Variants in LY6G5C observed in about 807,000 individuals in gnomAD.
LY6G5C encodes the protein lymphocyte antigen 6 family member G5C, also known as lymphocyte antigen 6 complex locus protein G5c.
In LY6G5C, 6 loss-of-function variants were observed where a neutral mutation model predicts 10.5. The ratio of observed to expected loss-of-function variants is 0.57; its 90% CI spans 0.31 to 1.12. The LOEUF (loss-of-function observed/expected upper bound fraction) is 1.12, where lower values mean the gene tolerates loss of function less well. LY6G5C is among the 50% of genes most tolerant of loss of function. The pLI is 0.05. For missense variants in LY6G5C, 160 were observed against 185.5 expected, an observed-to-expected ratio of 0.86 and a Z score of 0.80; for synonymous variants, 69 against 67.8, an observed-to-expected ratio of 1.02 and a Z score of -0.09.
At position 31,677,005 on chromosome 6, in the gene LY6G5C, GA is replaced by G. The variant is rs759322486; in HGVS notation, c.404del (p.Phe135SerfsTer?). 4 of 1,612,908 alleles carry G rather than the reference GA, an allele frequency of 2.5e-6. No homozygotes were observed. The highest frequency in any genetic ancestry group is 3.4e-6 in the Non-Finnish European group (4 of 1,180,030). On this transcript the variant is annotated frameshift_variant, in exon 3 of 3. Coordinates refer to ENST00000383237, the Ensembl canonical transcript of LY6G5C. LOFTEE classifies it low-confidence loss of function (END_TRUNC). ...TTTGAGGGTCATTGCAGAAATCCAG[GA>G]AGCAGTATTGAGAGAATATCCAGAA... is the stretch of plus-strand genomic sequence containing the variant.
rs1368462732 is a variant in LY6G5C, at chr6:31,679,530, A to T, written c.122-262T>A. 2 of 532,234 alleles carry T rather than the reference A, an allele frequency of 3.8e-6. No homozygotes were observed. The highest frequency in any genetic ancestry group is 6.8e-6 in the Non-Finnish European group (2 of 295,960). The allele number at this position is 532,234 out of a possible 1,614,324, so 33.0% of individuals were successfully genotyped here. A position where few individuals can be genotyped will look rare whatever the true frequency, so the allele number is the denominator to read the frequency against. On this transcript the variant is annotated intron_variant, in intron 1 of 2. Coordinates refer to ENST00000383237, the Ensembl canonical transcript of LY6G5C. This position sits in a 1 kb window ranked among gnomAD's most constrained non-coding sequence, Gnocchi z 4.4. ...TTAGGCAGAGGAAAGTGCTAAACCA[A>T]CACTTTGAATCCTGTGTCTCTGTGG...
chr6:31,676,949 C>T (rs1257355407), exon 3 of LY6G5C: 1 of 1,606,092 alleles, frequency 6.2e-7, no homozygotes, highest in Admixed American at 1.7e-5. Context: ...AAGTTTGCTG[C>T]AGTCACACTA....
Position 31,680,049 on chromosome 6 carries a change from A to AAATAAT in LY6G5C, c.121+198_121+203dup. On this transcript the variant is annotated intron_variant, in intron 1 of 2. Coordinates refer to ENST00000383237, the Ensembl canonical transcript of LY6G5C. This position sits in a 1 kb window ranked among gnomAD's most constrained non-coding sequence, Gnocchi z 4.5. The stretch of plus-strand genomic sequence containing the variant: ...GATACAGAGCGAGACTCCATCTCAA[A>AAATAAT]AATAATAATAATAATAAATTTTTAA... The AAATAAT allele has an allele frequency of 1.9e-6, 1 of 526,978 alleles. No homozygotes were observed. The highest frequency in any genetic ancestry group is 3.3e-6 in the Non-Finnish European group (1 of 300,462). The allele number at this position is 526,978 out of a possible 1,614,324, so 32.6% of individuals were successfully genotyped here. A position where few individuals can be genotyped will look rare whatever the true frequency, so the allele number is the denominator to read the frequency against.
rs144060884 is a variant in LY6G5C, at chr6:31,677,166, G to A, written c.290-46C>T. The A allele has an allele frequency of 4.6e-5, 73 of 1,592,352 alleles. 1 individual carries two copies. In the African/African-American group the frequency reaches 7.5e-4, roughly 16 times the overall value. ...CCAGTGATACGGAAGTCCCCAGGAA[G>A]AGCCCCAAATCCTCTCATCCCCACA... On this transcript the variant is annotated intron_variant, in intron 2 of 2. Transcript: ENST00000383237.
chr6:31,679,084 A>C lies in LY6G5C; in HGVS notation c.289+17T>G. On this transcript the variant is annotated intron_variant, in intron 2 of 2. Transcript: ENST00000383237. This position sits in a 1 kb window ranked among gnomAD's most constrained non-coding sequence, Gnocchi z 4.4. ...TTTGGGAGAGTGCTGGGCCCATGAC[A>C]GGAGAAGGCCACTTACTGTTCTTTT... 1.2e-6 allele frequency: 2 copies of C among 1,612,606 alleles called. No individual in the cohort carries two copies. Among genetic ancestry groups the C allele is most frequent in the Non-Finnish European group, 1.7e-6 (2 of 1,179,716 alleles).
In LY6G5C at chr6:31,680,105, C is replaced by T. The variant is rs1802802412; in HGVS notation, c.121+148G>A. On this transcript the variant is annotated intron_variant, in intron 1 of 2. Transcript: ENST00000383237. The surrounding 1 kb of genome is among the most constrained non-coding windows in gnomAD (Gnocchi z 4.5). ...TTCAGATTGCACATCAGTCCATGAG[C>T]AGGCATTCCCTACCAAACCCATCTG... 1.2e-6 allele frequency: 1 copy of T among 812,448 alleles called. No homozygotes were observed. 50.3% of individuals were successfully genotyped at this position (812,448 alleles called of 1,614,324 possible). A position where few individuals can be genotyped will look rare whatever the true frequency, so the allele number is the denominator to read the frequency against.
chr6:31,677,122 T>C lies in LY6G5C; in HGVS notation c.290-2A>G. 1.2e-6 allele frequency: 2 copies of C among 1,612,060 alleles called. No individual in the cohort carries two copies. The highest frequency in any genetic ancestry group is 2.2e-5 in the South Asian group (2 of 91,036). ...TCACCATGACGTCAGAACCGCTGCC[T>C]GGGGAGGGACAGTGGGCACCAGTGA... On this transcript the variant is annotated splice_acceptor_variant, in intron 2 of 2. Transcript: ENST00000383237. LOFTEE classifies it high-confidence loss of function.
At position 31,679,102 on chromosome 6, in the gene LY6G5C, G is replaced by A; in HGVS notation, c.288C>T (p.Asn96=). Residue 96 remains asparagine (N), a splice_region_variant and synonymous_variant, in exon 2 of 3, where the codon AAC becomes AAT. Transcript: ENST00000383237. The surrounding 1 kb of genome is among the most constrained non-coding windows in gnomAD (Gnocchi z 4.4). ...CCATGACAGGAGAAGGCCACTTACT[G>A]TTCTTTTTGTGGAGAGTGATGCAGC... 6.2e-7 allele frequency: 1 copy of A among 1,612,982 alleles called. No individual in the cohort carries two copies. Among genetic ancestry groups the A allele is most frequent in the Non-Finnish European group, 8.5e-7 (1 of 1,179,974 alleles).
chr6:31,680,273 A>T lies in LY6G5C; in HGVS notation c.101T>A (p.Val34Asp). ...CTTACCAAACACCAAGCTCATCATG[A>T]CCAGCACTATTAAGAGGACCGTGTA... The change falls in exon 1 of 3, where the codon GTC becomes GAC. Residue 34 changes from valine (V) to aspartate (D), a missense_variant. By Grantham distance (152) the Val-to-Asp change is radical (BLOSUM62 -3). Transcript: ENST00000383237. This position sits in a 1 kb window ranked among gnomAD's most constrained non-coding sequence, Gnocchi z 4.5. The T allele has an allele frequency of 6.2e-7, 1 of 1,612,492 alleles. No homozygotes were observed. Among genetic ancestry groups the T allele is most frequent in the Non-Finnish European group, 8.5e-7 (1 of 1,179,952 alleles).
chr6:31,677,183 A>T, intron 2 of LY6G5C, 63 bp from the exon 3 acceptor site: 1 of 1,486,674 alleles, frequency 6.7e-7, no homozygotes, highest in Non-Finnish European at 9.2e-7. Context: ...AAATCCTCTC[A>T]TCCCCACACT....
In LY6G5C at chr6:31,679,500, T is replaced by G; in HGVS notation, c.122-232A>C. Reference sequence around the variant, plus strand: ...AAATCCCCAGACCCAGCAGAGCACTTGGTGTTAGGCAGAGGAAAGTGCTAA... The same window carrying G: ...AAATCCCCAGACCCAGCAGAGCACTGGGTGTTAGGCAGAGGAAAGTGCTAA... On this transcript the variant is annotated intron_variant, in intron 1 of 2. Coordinates refer to ENST00000383237, the Ensembl canonical transcript of LY6G5C. This position sits in a 1 kb window ranked among gnomAD's most constrained non-coding sequence, Gnocchi z 4.4. 1 of 585,504 alleles carries G rather than the reference T, an allele frequency of 1.7e-6. No homozygotes were observed. The highest frequency in any genetic ancestry group is 3.0e-6 in the Non-Finnish European group (1 of 328,054). The allele number at this position is 585,504 out of a possible 1,614,324, so 36.3% of individuals were successfully genotyped here.
At position 31,679,438 on chromosome 6, in the gene LY6G5C, C is replaced by T; in HGVS notation, c.122-170G>A. 1 of 691,924 alleles carries T rather than the reference C, an allele frequency of 1.4e-6. No individual in the cohort carries two copies. The allele number at this position is 691,924 out of a possible 1,614,324, so 42.9% of individuals were successfully genotyped here. A position where few individuals can be genotyped will look rare whatever the true frequency, so the allele number is the denominator to read the frequency against. On this transcript the variant is annotated intron_variant, in intron 1 of 2. Coordinates refer to ENST00000383237, the Ensembl canonical transcript of LY6G5C. The surrounding 1 kb of genome is among the most constrained non-coding windows in gnomAD (Gnocchi z 4.4). ...CCCAACTGCATACACATACATCCCC[C>T]TTTTCCTCTGGTCCTAAGGCCAGAC...
chr6:31,679,825 G>A lies in LY6G5C; in HGVS notation c.121+428C>T, dbSNP rs1802782532. Reference sequence around the variant, plus strand: ...CACTTTGGGAGGCCAAGGCGGGCAGGTACCTGAGGTCAGGAGTTCGAGACC... The same window carrying A: ...CACTTTGGGAGGCCAAGGCGGGCAGATACCTGAGGTCAGGAGTTCGAGACC... On this transcript the variant is annotated intron_variant, in intron 1 of 2. Transcript: ENST00000383237. The surrounding 1 kb of genome is among the most constrained non-coding windows in gnomAD (Gnocchi z 4.4). 5.3e-6 allele frequency: 1 copy of A among 188,062 alleles called. No individual in the cohort carries two copies. The highest frequency in any genetic ancestry group is 5.4e-5 in the Admixed American group (1 of 18,658). The allele number at this position is 188,062 out of a possible 1,614,324, so 11.6% of individuals were successfully genotyped here. A position where few individuals can be genotyped will look rare whatever the true frequency, so the allele number is the denominator to read the frequency against.
chr6:31,677,640 A>G (rs1240410562), intron 2 of LY6G5C, among the ~76,000 whole-genome samples: 5 of 152,160 alleles, frequency 3.3e-5, no homozygotes, highest in African/African-American at 1.2e-4. Context: ...CATGCTATGG[A>G]GTAGTATACA....
chr6:31,677,497 T>C (rs921351778), intron 2 of LY6G5C, among the ~76,000 whole-genome samples: 2 of 152,328 alleles, frequency 1.3e-5, no homozygotes, highest in Admixed American at 6.5e-5. Flanking sequence ...GCTGCTGTTA[T>C]ACATAATAGA....
In LY6G5C at chr6:31,679,876, G is replaced by A. The variant is rs805291; in HGVS notation, c.121+377C>T. ...AGCCTGGCCAACATGGTGAAACCCC[G>A]TCTCTACTAAATATACAAAAATTAG... On this transcript the variant is annotated intron_variant, in intron 1 of 2. Coordinates refer to ENST00000383237, the Ensembl canonical transcript of LY6G5C. The surrounding 1 kb of genome is among the most constrained non-coding windows in gnomAD (Gnocchi z 4.4). 15,038 of 192,922 alleles carry A rather than the reference G, an allele frequency of 0.078. 1,030 individuals carry two copies. Among genetic ancestry groups the A allele is most frequent in the African/African-American group, 0.2 (8,477 of 42,238 alleles). 12.0% of individuals were successfully genotyped at this position (192,922 alleles called of 1,614,324 possible). A position where few individuals can be genotyped will look rare whatever the true frequency, so the allele number is the denominator to read the frequency against.
chr6:31,680,329 G>A lies in LY6G5C; in HGVS notation c.45C>T (p.Pro15=), dbSNP rs781351328. ...CTTGGGGGCTGCTGTGGAAGCACAG[G>A]GGACCCAGACTCTGGCTCCCTGCAG... The change falls in exon 1 of 3, where the codon CCC becomes CCT. Residue 15 remains proline (P), a synonymous_variant. Transcript: ENST00000383237. This position sits in a 1 kb window ranked among gnomAD's most constrained non-coding sequence, Gnocchi z 4.5. 1.1e-5 allele frequency: 17 copies of A among 1,611,272 alleles called. No homozygotes were observed. Among genetic ancestry groups the A allele is most frequent in the Non-Finnish European group, 1.3e-5 (15 of 1,179,930 alleles).
chr6:31,677,038 C>T, exon 3 of LY6G5C: 2 of 1,613,012 alleles, frequency 1.2e-6, no homozygotes, highest in South Asian at 2.2e-5. Context: ...AGAAGCCAGA[C>T]ACCGGAGAAG....
exon 3 of LY6G5C, chr6:31,676,888 G>A: frequency 4.0e-6 from 6 of 1,511,448 alleles, no homozygotes; most frequent in Non-Finnish European, 5.5e-6. Flanking sequence ...TCCTGGCCAA[G>A]CCCAGATAGA....
Sources: allele counts gnomAD v4.1 joint callset (sites outside exome capture counted in the v4.1 genomes callset), GRCh38; gene constraint gnomAD v4.1.1; non-coding constraint Gnocchi (gnomAD v3.1); transcripts MANE v1.5; gene names NCBI Gene and HGNC (gene_info 2026-07-23, HGNC 2026-07-21).